Variants in SCML4 observed in about 807,000 individuals in gnomAD.
The protein encoded by SCML4 is sex comb on midleg-like protein 4.
A neutral mutation model predicts 41.1 loss-of-function variants in SCML4; 34 were observed. The observed-to-expected ratio is 0.83, with a 90% confidence interval of 0.63 to 1.10. The LOEUF (loss-of-function observed/expected upper bound fraction) is 1.10. Among genes scored for constraint, SCML4 ranks in the 50% least tolerant of loss-of-function variants. The pLI is 0.00. For synonymous variants in SCML4, 214 were observed against 220.9 expected (o/e 0.97, Z 0.28); for missense variants, 522 against 534.1 (o/e 0.98, Z 0.22).
the SCML4 span, among the ~76,000 whole-genome samples, chr6:107,840,374 C>T: frequency 6.6e-6 from 1 of 152,194 alleles, no homozygotes; most frequent in East Asian, 1.9e-4. Context: ...ACAGGGATTC[C>T]ATAATAAATA....
At chr6:107,817,670 A>C (rs999674564) in intron 1 of SCML4, among the ~76,000 whole-genome samples, 5 of 143,196 alleles carry the variant, frequency 3.5e-5, no homozygotes, top group Non-Finnish European at 7.6e-5. Flanking sequence ...CTTTTTTCTT[A>C]TTCTACTATC....
chr6:107,789,741 A>C (rs1782178669), intron 1 of SCML4, among the ~76,000 whole-genome samples: 1 of 152,206 alleles, frequency 6.6e-6, no homozygotes, highest in Admixed American at 6.5e-5. Context: ...CACCTGTGGA[A>C]GGGAGGATTC....
intron 2 of SCML4, among the ~76,000 whole-genome samples, chr6:107,771,217 A>T (rs1250029292): frequency 6.6e-6 from 1 of 151,996 alleles, no homozygotes; most frequent in Non-Finnish European, 1.5e-5. Context: ...TTCATTACCA[A>T]CTCTTCCAGA....
Position 107,737,384 on chromosome 6 carries a change from A to G in SCML4, c.682+7565T>C, listed in dbSNP as rs150292952. 2.1e-3 allele frequency among the ~76,000 whole-genome samples: 315 copies of G among 152,240 alleles called. 4 individuals are homozygous for G. Among genetic ancestry groups the G allele is most frequent in the African/African-American group, 6.9e-3 (288 of 41,534 alleles). On this transcript the variant is annotated intron_variant, in intron 5 of 7. Transcript: ENST00000369020. ...TCCTATCTTTCACCCTCTTCCCCAG[A>G]TATGCAAGCCTTGTCTTTCTCCCCT...
chr6:107,828,842 T>C (rs1277511664), upstream of SCML4, among the ~76,000 whole-genome samples: 2 of 152,320 alleles, frequency 1.3e-5, no homozygotes, highest in South Asian at 2.1e-4. Flanking sequence ...CTGCCTTTCA[T>C]GGGGCCAGAT....
intron 6 of SCML4, among the ~76,000 whole-genome samples, chr6:107,716,287 T>C (rs1325648933): frequency 2.0e-5 from 3 of 152,116 alleles, no homozygotes; most frequent in Non-Finnish European, 2.9e-5. Context: ...TTGAAAGCCA[T>C]CAGGCATGAT....
At position 107,743,459 on chromosome 6, in the gene SCML4, T is replaced by C. The variant is rs78798281; in HGVS notation, c.682+1490A>G. On this transcript the variant is annotated intron_variant, in intron 5 of 7. Transcript: ENST00000369020. ...CAAGCATCTGAGAAGTGAAATCACATGATTCTGCTATTCTCATTGCAACAC... is the reference window on the plus strand; with the variant it reads ...CAAGCATCTGAGAAGTGAAATCACACGATTCTGCTATTCTCATTGCAACAC... 4.3e-3 allele frequency among the ~76,000 whole-genome samples: 653 copies of C among 152,348 alleles called. 10 individuals carry two copies. The East Asian group carries it at 0.063, about 15-fold the overall frequency.
intron 2 of SCML4, among the ~76,000 whole-genome samples, chr6:107,769,040 C>T (rs192984707): frequency 6.6e-6 from 1 of 152,158 alleles, no homozygotes; most frequent in African/African-American, 2.4e-5. Context: ...GAACTAAGGA[C>T]CTCAACCAAT....
At chr6:107,733,790 C>T (rs1776784780) in intron 5 of SCML4, among the ~76,000 whole-genome samples, 1 of 152,204 alleles carries the variant, frequency 6.6e-6, no homozygotes, top group South Asian at 2.1e-4. Context: ...GGTTTCCAAC[C>T]CCTTGGATCT....
intron 1 of SCML4, among the ~76,000 whole-genome samples, chr6:107,819,543 T>G (rs1466111605): frequency 6.6e-6 from 1 of 151,886 alleles, no homozygotes; most frequent in Non-Finnish European, 1.5e-5. Flanking sequence ...CTGGAGAAAG[T>G]AAGACCTCCT....
intron 6 of SCML4, chr6:107,720,345 G>A (rs920158794): frequency 6.0e-6 from 6 of 992,014 alleles, no homozygotes; most frequent in Middle Eastern, 1.0e-3. Flanking sequence ...GTAGAGGGTG[G>A]CAGAGCCACA....
At chr6:107,802,425 C>A (rs1017188751) in intron 1 of SCML4, among the ~76,000 whole-genome samples, 1 of 151,918 alleles carries the variant, frequency 6.6e-6, no homozygotes, top group Non-Finnish European at 1.5e-5. Flanking sequence ...TGCAAAAGTC[C>A]TGTGGTGGAC....
At chr6:107,736,656 T>G (rs1487049062) in intron 5 of SCML4, among the ~76,000 whole-genome samples, 1 of 152,184 alleles carries the variant, frequency 6.6e-6, no homozygotes, top group Non-Finnish European at 1.5e-5. Flanking sequence ...CTTTTAAAAA[T>G]AAATGATCTT....
intron 2 of SCML4, among the ~76,000 whole-genome samples, chr6:107,750,850 C>T (rs1325265486): frequency 6.6e-6 from 1 of 152,176 alleles, no homozygotes; most frequent in Non-Finnish European, 1.5e-5. Context: ...GGTCCATGGA[C>T]CACACTTCGA....
upstream of SCML4, among the ~76,000 whole-genome samples, chr6:107,829,024 C>T (rs1287989304): frequency 2.6e-5 from 4 of 151,970 alleles, no homozygotes; most frequent in Admixed American, 6.6e-5. Context: ...TAAATGTTTG[C>T]GAAAATATTG....
At chr6:107,828,090 A>G (rs1019635077), upstream of SCML4, among the ~76,000 whole-genome samples, 5 of 152,224 alleles carry the variant, frequency 3.3e-5, no homozygotes, top group African/African-American at 1.2e-4. Flanking sequence ...TTATGATACC[A>G]TTCCCATCTT....
chr6:107,842,555 G>A, the SCML4 span, among the ~76,000 whole-genome samples: 4 of 152,134 alleles, frequency 2.6e-5, no homozygotes, highest in Non-Finnish European at 4.4e-5. Context: ...GTACCACCAC[G>A]CCCAGCTAAT....
At chr6:107,734,683 T>C (rs906461344) in intron 5 of SCML4, among the ~76,000 whole-genome samples, 2 of 152,186 alleles carry the variant, frequency 1.3e-5, no homozygotes, top group African/African-American at 4.8e-5. Context: ...ATAAAGCTTT[T>C]CCTAAATGAA....
At chr6:107,715,114 A>G (rs964125868) in intron 6 of SCML4, among the ~76,000 whole-genome samples, 6 of 149,906 alleles carry the variant, frequency 4.0e-5, no homozygotes, top group African/African-American at 1.2e-4. Context: ...AGCTGGGATT[A>G]CAGGCATGTG....
Sources: gnomAD v4.1 joint callset for allele counts (sites outside exome capture counted in the v4.1 genomes callset) on GRCh38, gnomAD v4.1.1 for gene constraint, MANE v1.5 for transcripts, NCBI Gene and HGNC (gene_info 2026-07-23, HGNC 2026-07-21) for gene names.